NCOA4: variants seen among roughly 807,000 people sequenced by gnomAD.
The protein encoded by NCOA4 is nuclear receptor coactivator 4.
A neutral mutation model predicts 69.5 loss-of-function variants in NCOA4; 31 were observed. The ratio of observed to expected loss-of-function variants is 0.45; its 90% CI spans 0.34 to 0.60. The LOEUF is 0.60. Ranked by LOEUF, NCOA4 falls within the 20% of genes least tolerant of loss-of-function variation. The pLI is 0.02. For missense variants in NCOA4, 600 were observed against 719.2 expected (o/e 0.83, Z 1.90); for synonymous variants, 228 against 252.4 (o/e 0.90, Z 0.92).
intron 7 of NCOA4, 114 bp downstream of exon 7, chr10:46,012,769 A>G (rs991572002): frequency 3.1e-5 from 31 of 1,008,408 alleles, no homozygotes; most frequent in Non-Finnish European, 4.1e-5. Context: ...CTATTAATAA[A>G]TATGTTTCCA....
rs1213089358 is a variant in NCOA4 at position 46,030,597 on chromosome 10, A to C, written c.-86T>G. On this transcript the variant is annotated 5_prime_UTR_variant, in exon 1 of 10. Coordinates refer to ENST00000581486, the MANE Select transcript of NCOA4 (RefSeq NM_001145263.2). ...CTGAGACACGGCCCCACACTAACCT[A>C]CGGCCCAAAGGCAGAGTTCTCGCGA... is the stretch of plus-strand genomic sequence containing the variant. The C allele has an allele frequency of 6.6e-6, 1 of 152,272 alleles. No homozygotes were observed. The allele number at this position is 152,272 out of a possible 1,614,324, so 9.4% of individuals were successfully genotyped here. A position where few individuals can be genotyped will look rare whatever the true frequency, so the allele number is the denominator to read the frequency against.
At chr10:46,022,183 C>A (rs1554924513) in intron 1 of NCOA4, among the ~76,000 whole-genome samples, 11 of 152,042 alleles carry the variant, frequency 7.2e-5, no homozygotes, top group Non-Finnish European at 1.6e-4. Context: ...CTGCCCCTGC[C>A]CCTCCAAAGA....
At chr10:46,015,084 G>C in intron 3 of NCOA4, 42 bp downstream of exon 3, 3 of 1,613,470 alleles carry the variant, frequency 1.9e-6, no homozygotes, top group Non-Finnish European at 2.5e-6. Context: ...CTGGCAACCA[G>C]AAGCCATGCT....
At chr10:46,016,122 C>G (rs1471964329) in intron 2 of NCOA4, among the ~76,000 whole-genome samples, 12 of 152,162 alleles carry the variant, frequency 7.9e-5, no homozygotes, top group African/African-American at 2.9e-4. Context: ...TAGTCATTTA[C>G]AGAACAATGC....
In NCOA4 at chr10:46,005,489, G is replaced by C. The variant is rs1290694891; in HGVS notation, c.*1103C>G. 4.5e-5 allele frequency: 10 copies of C among 220,960 alleles called. No individual in the cohort carries two copies. The highest frequency in any genetic ancestry group is 7.3e-5 in the Non-Finnish European group (8 of 110,052). 13.7% of individuals were successfully genotyped at this position (220,960 alleles called of 1,614,324 possible). Reference sequence around the variant, plus strand: ...TGGAAAGCAGCAAAGATATCTTAGAGAAAACATTATAAACCCCACTTCTCT... The same window carrying C: ...TGGAAAGCAGCAAAGATATCTTAGACAAAACATTATAAACCCCACTTCTCT... On this transcript the variant is annotated 3_prime_UTR_variant, in exon 10 of 10. Transcript: ENST00000581486.
intron 9 of NCOA4, among the ~76,000 whole-genome samples, chr10:46,008,245 C>G (rs1387789523): frequency 6.6e-6 from 1 of 152,152 alleles, no homozygotes; most frequent in Non-Finnish European, 1.5e-5. Flanking sequence ...TTTTTTAAGG[C>G]CCTAGCTACC....
intron 1 of NCOA4, chr10:46,022,531 T>G (rs1239184011): frequency 4.5e-6 from 2 of 440,902 alleles, no homozygotes; most frequent in Non-Finnish European, 4.6e-6. Context: ...AGTGGCGCGA[T>G]CTCACTGCAA....
intron 1 of NCOA4, chr10:46,022,510 G>T (rs1554924636): frequency 2.2e-6 from 1 of 453,348 alleles, no homozygotes; most frequent in Non-Finnish European, 4.5e-6. Flanking sequence ...CTGCCGCCCA[G>T]GCTGGAGTGC....
rs1383523497 is a variant in NCOA4 at position 46,021,830 on chromosome 10, AT to A, written c.-14-5137del. 6.6e-5 allele frequency among the ~76,000 whole-genome samples: 10 copies of A among 152,250 alleles called. No homozygotes were observed. In the South Asian group the frequency reaches 1.0e-3, roughly 16 times the overall value. ...CAAAATTAGCCGGGCGTGGTGGCGC[AT>A]GCCTGTAATTCCAGCTAATCGGGAG... is the stretch of plus-strand genomic sequence containing the variant. On this transcript the variant is annotated intron_variant, in intron 1 of 9. Coordinates refer to ENST00000581486, the MANE Select transcript of NCOA4 (RefSeq NM_001145263.2).
chr10:46,010,757 ATC>A lies in NCOA4; in HGVS notation c.1162_1163del (p.Asp388LeufsTer11), dbSNP rs1417578117. 6.2e-7 allele frequency: 1 copy of A among 1,613,782 alleles called. No individual in the cohort carries two copies. The highest frequency in any genetic ancestry group is 1.3e-5 in the African/African-American group (1 of 74,902). On this transcript the variant is annotated frameshift_variant, in exon 8 of 10. Transcript: ENST00000581486. LOFTEE classifies it high-confidence loss of function. ...GGTCCTGATGGTTCTGGACAAGCCA[ATC>A]CTCTGTAACCATGCTGGGGGTGGAC... ...PLSTPSMVTE[D>X]WLVQNHQDPC...
intron 9 of NCOA4, chr10:46,009,025 T>C: frequency 1.4e-6 from 1 of 710,176 alleles, no homozygotes; most frequent in South Asian, 1.8e-5. Flanking sequence ...CTATAGTGTA[T>C]TATATACAAC....
chr10:46,015,271 GA>G lies in NCOA4; in HGVS notation c.142-6del. ...ACTGTGAATCTGAGCTTTGACCTAG[GA>G]AACACATACATGTTAGCTTCCTAGT... On this transcript the variant is annotated splice_polypyrimidine_tract_variant and splice_region_variant and intron_variant, in intron 2 of 9. Transcript: ENST00000581486. 3.4e-6 allele frequency: 5 copies of G among 1,480,368 alleles called. No homozygotes were observed. The highest frequency in any genetic ancestry group is 4.5e-6 in the Non-Finnish European group (5 of 1,101,096). The allele number at this position is 1,480,368 out of a possible 1,614,324, so 91.7% of individuals were successfully genotyped here. A position where few individuals can be genotyped will look rare whatever the true frequency, so the allele number is the denominator to read the frequency against.
chr10:46,023,683 C>T (rs1161034224), intron 1 of NCOA4, among the ~76,000 whole-genome samples: 1 of 152,238 alleles, frequency 6.6e-6, no homozygotes, highest in Non-Finnish European at 1.5e-5. Context: ...CCTCTCCAGC[C>T]TCTCCTCTCC....
chr10:46,012,070 GAAAAAAAAAAAAA>G (rs71026286), intron 7 of NCOA4, among the ~76,000 whole-genome samples: 32 of 44,526 alleles, frequency 7.2e-4, no homozygotes, highest in South Asian at 4.0e-3. Flanking sequence ...CAAAAAGAAA[GAAAAAAAAAAAAA>G]AAAAAAAAAA....
At position 46,009,129 on chromosome 10, in the gene NCOA4, A is replaced by G. The variant is rs1554920457; in HGVS notation, c.1839+282T>C. 5.8e-6 allele frequency: 9 copies of G among 1,540,216 alleles called. No individual in the cohort carries two copies. In the South Asian group the frequency reaches 8.4e-5, roughly 14 times the overall value. ...TGGCCTGGAACCAAACCCACCTTCG[A>G]GGTAGGTATATAAACTACTAGAATC... is the stretch of plus-strand genomic sequence containing the variant. On this transcript the variant is annotated intron_variant, in intron 9 of 9. Transcript: ENST00000581486.
chr10:46,010,097 AG>A, intron 8 of NCOA4, 125 bp downstream of exon 8: 1 of 1,204,154 alleles, frequency 8.3e-7, no homozygotes, highest in Non-Finnish European at 1.1e-6. Context: ...GAGCCTCGGA[AG>A]GGGAGGTTGC....
At chr10:46,025,798 C>A (rs1554925431) in intron 1 of NCOA4, among the ~76,000 whole-genome samples, 1 of 152,234 alleles carries the variant, frequency 6.6e-6, no homozygotes, top group Non-Finnish European at 1.5e-5. Context: ...ACGCCTGTAA[C>A]ATATGTTACC....
chr10:46,008,478 T>G (rs1340668582), intron 9 of NCOA4, among the ~76,000 whole-genome samples: 1 of 152,138 alleles, frequency 6.6e-6, no homozygotes, highest in African/African-American at 2.4e-5. Context: ...GCAAGAGAAG[T>G]AGAATTAGAA....
rs1554921188 is a variant in NCOA4 at position 46,010,808 on chromosome 10, G to A, written c.1113C>T (p.Asp371=). Residue 371 remains aspartate (D), a synonymous_variant, in exon 8 of 10, where the codon GAC becomes GAT. Transcript: ENST00000581486. ...ACAATGGTTTCTTGGCCTCCAAGTG[G>A]TCATTCAGGCACTTCAGATTGCCCA... The part of the protein sequence containing the change: ...ENLGNLKCLN[D]HLEAKKPLST... 6.2e-7 allele frequency: 1 copy of A among 1,613,920 alleles called. No individual in the cohort carries two copies. The highest frequency in any genetic ancestry group is 1.1e-5 in the South Asian group (1 of 91,070).
Sources: gnomAD v4.1 joint callset for allele counts (sites outside exome capture counted in the v4.1 genomes callset) on GRCh38, gnomAD v4.1.1 for gene constraint, MANE v1.5 for transcripts, NCBI Gene and HGNC (gene_info 2026-07-23, HGNC 2026-07-21) for gene names.